JARID2: variants seen among roughly 807,000 people sequenced by gnomAD.
The protein encoded by JARID2 is protein Jumonji.
Under a neutral mutation model 125.6 loss-of-function variants are expected in JARID2, and 21 were observed. That is an observed-to-expected ratio of 0.17 (90% confidence interval 0.12 to 0.24). The LOEUF (loss-of-function observed/expected upper bound fraction) is 0.24. Ranked by LOEUF, JARID2 falls within the 10% of genes least tolerant of loss-of-function variation. The pLI, the probability that JARID2 is intolerant of heterozygous loss-of-function variation, is 1.00. For synonymous variants in JARID2, 736 were observed against 661.6 expected (o/e 1.11, Z -1.73); for missense variants, 1,303 against 1,639.6 (o/e 0.79, Z 3.55).
intron 3 of JARID2, among the ~76,000 whole-genome samples, chr6:15,445,614 TGTG>T (rs989232824): frequency 6.6e-6 from 1 of 152,174 alleles, no homozygotes; most frequent in African/African-American, 2.4e-5. Context: ...CTCTGATGTA[TGTG>T]GTGGTCTTGT....
chr6:15,324,880 G>T (rs1215762595), intron 1 of JARID2, among the ~76,000 whole-genome samples: 1 of 151,078 alleles, frequency 6.6e-6, no homozygotes, highest in Non-Finnish European at 1.5e-5. Context: ...AATGTCTTTT[G>T]TTGTTGTTGT....
At chr6:15,368,624 C>T (rs1049679270) in intron 1 of JARID2, 12 of 447,622 alleles carry the variant, frequency 2.7e-5, no homozygotes, top group Middle Eastern at 3.3e-4. Context: ...GACCGTGTCA[C>T]GTAAGGAATG....
intron 2 of JARID2, chr6:15,401,120 G>C (rs1765415094): frequency 7.8e-7 from 1 of 1,282,478 alleles, no homozygotes; most frequent in African/African-American, 1.5e-5. Context: ...TCCCTGCTGG[G>C]GTCCTGATTA....
intron 1 of JARID2, among the ~76,000 whole-genome samples, chr6:15,267,756 A>G (rs1010415552): frequency 8.5e-5 from 13 of 152,134 alleles, no homozygotes; most frequent in Middle Eastern, 3.2e-3. Context: ...CTCTGTAGAT[A>G]TGCAGTAGGG....
In JARID2 at chr6:15,504,850, G is replaced by A. The variant is rs1047221750; in HGVS notation, c.2541+258G>A. 2.4e-4 allele frequency among the ~76,000 whole-genome samples: 37 copies of A among 152,270 alleles called. 2 individuals carry two copies. The Middle Eastern group carries it at 0.02, about 84-fold the overall frequency. ...AGTGCAGGGGACGGGTTCTGGGCAC[G>A]TCCCCTGCTCCCCGTCACTGTCTCC... On this transcript the variant is annotated intron_variant, in intron 9 of 17. Transcript: ENST00000341776.
At chr6:15,407,685 C>G (rs779129801) in intron 2 of JARID2, among the ~76,000 whole-genome samples, 30 of 152,156 alleles carry the variant, frequency 2.0e-4, no homozygotes, top group Non-Finnish European at 3.2e-4. Context: ...TACTGCAAAT[C>G]CCAACTTTCT....
In JARID2 at chr6:15,513,382, G is replaced by A; in HGVS notation, c.3410G>A (p.Arg1137Lys). The part of the protein sequence containing the change: ...RKWLQLETSE[R>K]RCQICQHLCY... ...TGGCTGCAGTTGGAGACGTCAGAGAGGAGGTGTCAGATCTGCCAGCACCTG... is the reference window on the plus strand; with the variant it reads ...TGGCTGCAGTTGGAGACGTCAGAGAAGAGGTGTCAGATCTGCCAGCACCTG... The change falls in exon 16 of 18, where the codon AGG becomes AAG. Residue 1137 changes from arginine (R) to lysine (K), a missense_variant. Arg to Lys is a conservative substitution (Grantham distance 26). Around this residue, in one of 11 missense-constraint regions of JARID2, gnomAD observed 190 missense variants for 341.4 expected, o/e 0.56. Transcript: ENST00000341776. 6.2e-7 allele frequency: 1 copy of A among 1,612,578 alleles called. No individual in the cohort carries two copies. The highest frequency in any genetic ancestry group is 8.5e-7 in the Non-Finnish European group (1 of 1,179,238).
intron 1 of JARID2, among the ~76,000 whole-genome samples, chr6:15,334,782 G>C (rs545823801): frequency 2.0e-4 from 30 of 152,238 alleles, no homozygotes; most frequent in African/African-American, 7.2e-4. Flanking sequence ...TAAAACTTGG[G>C]GTACTGTGGG....
At chr6:15,402,966 C>T (rs569592801) in intron 2 of JARID2, among the ~76,000 whole-genome samples, 1 of 152,078 alleles carries the variant, frequency 6.6e-6, no homozygotes, top group East Asian at 1.9e-4. Flanking sequence ...ACTAGAACTG[C>T]CGATTGTAGA....
intron 1 of JARID2, among the ~76,000 whole-genome samples, chr6:15,264,773 A>G (rs1760020726): frequency 6.6e-6 from 1 of 152,208 alleles, no homozygotes; most frequent in African/African-American, 2.4e-5. Flanking sequence ...CTATACACAT[A>G]CTTGTGCCTT....
chr6:15,270,496 C>T (rs79926927), intron 1 of JARID2, among the ~76,000 whole-genome samples: 100 of 152,260 alleles, frequency 6.6e-4, no homozygotes, highest in African/African-American at 2.1e-3. Context: ...CAATCCCTTG[C>T]CCTCATTTTA....
At chr6:15,255,585 T>C (rs1047256639) in intron 1 of JARID2, among the ~76,000 whole-genome samples, 2 of 152,184 alleles carry the variant, frequency 1.3e-5, no homozygotes, top group Non-Finnish European at 2.9e-5. Flanking sequence ...CTCCATTATT[T>C]CCCAGCCACC....
At chr6:15,495,489 A>G (rs1420584264) in intron 6 of JARID2, among the ~76,000 whole-genome samples, 8 of 152,360 alleles carry the variant, frequency 5.3e-5, no homozygotes, top group Middle Eastern at 3.4e-3. Context: ...CAAGGAAAGC[A>G]GACAGCAGCT....
In JARID2 at chr6:15,507,400, C is replaced by T; in HGVS notation, c.2715C>T (p.His905=). ...LPNNTGSILR[H]LGAVPGVTIP... is the part of the protein sequence containing the mutation. ...ATAACACAGGGTCCATCCTGCGTCA[C>T]CTCGGTGCTGTGCCTGGTAAGCCTG... The change falls in exon 11 of 18, where the codon CAC becomes CAT. Residue 905 remains histidine, a synonymous_variant. Coordinates refer to ENST00000341776, the MANE Select transcript of JARID2 (RefSeq NM_004973.4). The T allele has an allele frequency of 6.2e-7, 1 of 1,614,110 alleles. No homozygotes were observed. The highest frequency in any genetic ancestry group is 8.5e-7 in the Non-Finnish European group (1 of 1,179,990).
chr6:15,501,226 G>C lies in JARID2; in HGVS notation c.2265G>C (p.Glu755Asp). The C allele has an allele frequency of 6.2e-7, 1 of 1,613,858 alleles. No individual in the cohort carries two copies. Among genetic ancestry groups the C allele is most frequent in the South Asian group, 1.1e-5 (1 of 91,084 alleles). The change falls in exon 8 of 18, where the codon GAG becomes GAC. Residue 755 changes from glutamate (E) to aspartate (D), a missense_variant. This residue lies in a region of JARID2 where 124 missense variants were observed against 131.0 expected (regional missense o/e 0.95). Transcript: ENST00000341776. ...AGTTCCACCCTCTGCCCCGCTTCGA[G>C]CCCAAGAATGGGCTCATCCACGGCG... ...HHKFHPLPRF[E>D]PKNGLIHGVA...
At chr6:15,277,499 G>GGTAT (rs1435899917) in intron 1 of JARID2, among the ~76,000 whole-genome samples, 3 of 152,092 alleles carry the variant, frequency 2.0e-5, no homozygotes, top group Non-Finnish European at 4.4e-5. Flanking sequence ...TTTTGGCTCT[G>GGTAT]GTATCTCTGT....
Position 15,487,508 on chromosome 6 carries a change from C to A in JARID2, c.872C>A (p.Pro291His), listed in dbSNP as rs761856984. 1.1e-5 allele frequency: 17 copies of A among 1,613,830 alleles called. No homozygotes were observed. Among genetic ancestry groups the A allele is most frequent in the Non-Finnish European group, 1.4e-5 (16 of 1,179,804 alleles). ...KGLAATHHHP[P>H]LHRSAQDLRK... ...CTTGCTGCCACCCATCACCACCCCC[C>A]TCTGCATCGGTCGGCTCAGGACTTA... The change falls in exon 6 of 18, where the codon CCT (proline) becomes CAT (histidine). Residue 291 changes from proline to histidine, a missense_variant. Pro to His is a moderately conservative substitution (Grantham distance 77). Around this residue, in one of 11 missense-constraint regions of JARID2, gnomAD observed 651 missense variants for 581.6 expected, o/e 1.12. Coordinates refer to ENST00000341776, the MANE Select transcript of JARID2 (RefSeq NM_004973.4).
intron 17 of JARID2, among the ~76,000 whole-genome samples, 158 bp from the exon 18 acceptor site, chr6:15,519,911 C>CT (rs1474983067): frequency 2.6e-5 from 4 of 152,120 alleles, no homozygotes; most frequent in African/African-American, 9.7e-5. Context: ...GGGAGACTCA[C>CT]TGCATCTGAG....
intron 1 of JARID2, among the ~76,000 whole-genome samples, chr6:15,260,181 T>C (rs1011912490): frequency 1.3e-5 from 2 of 152,168 alleles, no homozygotes; most frequent in Non-Finnish European, 2.9e-5. Context: ...AGTTTATCAC[T>C]TTTTTCCACA....
Sources: gnomAD v4.1 joint callset for allele counts (sites outside exome capture counted in the v4.1 genomes callset) on GRCh38, gnomAD v4.1.1 for gene constraint, gnomAD v4.1.1 regional missense constraint, MANE v1.5 for transcripts, NCBI Gene and HGNC (gene_info 2026-07-23, HGNC 2026-07-21) for gene names.